Variants in DLGAP2 observed in about 807,000 individuals in gnomAD.
DLGAP2 encodes the protein disks large-associated protein 2.
DLGAP2 carries 26 observed loss-of-function variants against 100.3 expected under a neutral mutation model. The observed-to-expected ratio is 0.26, with a 90% CI of 0.19 to 0.36. DLGAP2 has a LOEUF of 0.36. Ranked by LOEUF, DLGAP2 falls within the 10% of genes least tolerant of loss-of-function variation. DLGAP2 has a pLI of 1.00. For missense variants in DLGAP2, 1,858 were observed against 1,453.2 expected (o/e 1.28, Z -4.53); for synonymous variants, 886 against 630.1 (o/e 1.41, Z -6.08).
chr8:1,387,817 GC>G (rs1174296144), intron 3 of DLGAP2, among the ~76,000 whole-genome samples: 1 of 152,160 alleles, frequency 6.6e-6, no homozygotes, highest in Non-Finnish European at 1.5e-5. Context: ...CCAGGAAAAG[GC>G]ATGAAATTGT....
chr8:1,271,986 T>A (rs1193556927), intron 3 of DLGAP2, among the ~76,000 whole-genome samples: 1 of 151,886 alleles, frequency 6.6e-6, no homozygotes, highest in Non-Finnish European at 1.5e-5. Context: ...AGTTTTTGGA[T>A]TTTTTTTAGT....
At chr8:1,034,026 T>C (rs1352585171) in intron 2 of DLGAP2, among the ~76,000 whole-genome samples, 49 of 99,788 alleles carry the variant, frequency 4.9e-4, no homozygotes, top group East Asian at 1.1e-3. Context: ...CGCGAGTGGA[T>C]TCACACGCTC....
At chr8:921,273 G>A (rs574676593) in intron 2 of DLGAP2, among the ~76,000 whole-genome samples, 1 of 152,274 alleles carries the variant, frequency 6.6e-6, no homozygotes, top group East Asian at 1.9e-4. Flanking sequence ...CTGGGCTCAG[G>A]GTTTAAATGT....
intron 2 of DLGAP2, among the ~76,000 whole-genome samples, chr8:1,207,205 A>C (rs1563253680): frequency 1.3e-5 from 2 of 152,156 alleles, no homozygotes; most frequent in Non-Finnish European, 2.9e-5. Context: ...CACTGTACCC[A>C]ACGTGTAGTC....
At chr8:1,086,119 C>T (rs182889811) in intron 2 of DLGAP2, among the ~76,000 whole-genome samples, 2 of 152,110 alleles carry the variant, frequency 1.3e-5, no homozygotes, top group African/African-American at 4.8e-5. Context: ...GATTTTATAT[C>T]CTGCCATTTT....
chr8:908,678 A>G (rs1012528677), intron 2 of DLGAP2, among the ~76,000 whole-genome samples: 1 of 152,346 alleles, frequency 6.6e-6, no homozygotes. Context: ...TTCCTCCTGC[A>G]AGATTTCTGA....
At chr8:1,626,059 T>TG (rs576946102) in intron 6 of DLGAP2, among the ~76,000 whole-genome samples, 3,320 of 75,132 alleles carry the variant, frequency 0.044, 565 homozygotes, top group African/African-American at 0.14. Flanking sequence ...GTTGGATGGC[T>TG]TTCCCATCTC....
chr8:1,287,834 G>C (rs1212546668), intron 3 of DLGAP2, among the ~76,000 whole-genome samples: 1 of 134,720 alleles, frequency 7.4e-6, no homozygotes, highest in Non-Finnish European at 1.6e-5. Flanking sequence ...TTGGTTCAGC[G>C]TGTGTGTGTG....
chr8:1,386,896 C>T (rs1159083239), intron 3 of DLGAP2, among the ~76,000 whole-genome samples: 2 of 152,094 alleles, frequency 1.3e-5, no homozygotes, highest in African/African-American at 4.8e-5. Context: ...AAATTATGCA[C>T]ATTAAAAAGT....
chr8:1,591,529 C>A (rs1457080151), intron 6 of DLGAP2, among the ~76,000 whole-genome samples: 4 of 127,280 alleles, frequency 3.1e-5, no homozygotes, highest in South Asian at 2.4e-4. Flanking sequence ...TCCTGCCTAA[C>A]CCCCTCCTCC....
At position 1,315,995 on chromosome 8, in the gene DLGAP2, G is replaced by A. The variant is rs1444267536; in HGVS notation, c.106+57112G>A. Reference sequence around the variant, plus strand: ...CAGCTTTTAAAAATAGAGGCTGTGCGAGTGCAGCGTCTCTCCAACAGTGGT... The same window carrying A: ...CAGCTTTTAAAAATAGAGGCTGTGCAAGTGCAGCGTCTCTCCAACAGTGGT... On this transcript the variant is annotated intron_variant, in intron 3 of 14. Transcript: ENST00000637795. Among the ~76,000 whole-genome samples, 16 of 136,330 alleles carry A rather than the reference G, an allele frequency of 1.2e-4. 1 individual carries two copies. Among genetic ancestry groups the A allele is most frequent in the Admixed American group, 8.5e-4 (11 of 12,974 alleles). The allele number at this position is 136,330 out of a possible 152,430, so 89.4% of individuals were successfully genotyped here.
Position 1,601,945 on chromosome 8 carries a change from G to GGTGTGTGTGTGT in DLGAP2, c.1443-24771_1443-24760dup, listed in dbSNP as rs55762722. 8.4e-3 allele frequency among the ~76,000 whole-genome samples: 1,227 copies of GGTGTGTGTGTGT among 146,410 alleles called. 8 individuals carry two copies. Among genetic ancestry groups the GGTGTGTGTGTGT allele is most frequent in the East Asian group, 9.1e-3 (45 of 4,924 alleles). ...TGATCCTAAAACCTTAATTTAACAG[G>GGTGTGTGTGTGT]GTGTGTGTGTGTGTGTGTGTGTGTG... On this transcript the variant is annotated intron_variant, in intron 6 of 14. Coordinates refer to ENST00000637795, the MANE Select transcript of DLGAP2 (RefSeq NM_001346810.2).
At chr8:1,209,232 C>T (rs1254373902) in intron 2 of DLGAP2, among the ~76,000 whole-genome samples, 1 of 152,194 alleles carries the variant, frequency 6.6e-6, no homozygotes, top group African/African-American at 2.4e-5. Context: ...GGAGGCATCA[C>T]ATTACCCAAC....
At chr8:1,525,518 C>T (rs954329216) in intron 4 of DLGAP2, among the ~76,000 whole-genome samples, 10 of 152,182 alleles carry the variant, frequency 6.6e-5, no homozygotes, top group African/African-American at 1.7e-4. Flanking sequence ...CCCAAAGCTG[C>T]GGTCCTCAGA....
intron 3 of DLGAP2, among the ~76,000 whole-genome samples, chr8:1,413,687 T>A (rs1796796236): frequency 6.6e-6 from 1 of 152,202 alleles, no homozygotes; most frequent in South Asian, 2.1e-4. Context: ...TTATCTTTGA[T>A]AAATGGTCTT....
chr8:976,760 G>A (rs890095938), intron 2 of DLGAP2, among the ~76,000 whole-genome samples: 4 of 152,148 alleles, frequency 2.6e-5, no homozygotes, highest in African/African-American at 7.2e-5. Flanking sequence ...GGATGTAGAC[G>A]TAAACCTTTG....
intron 2 of DLGAP2, among the ~76,000 whole-genome samples, chr8:1,251,014 T>C (rs1799027442): frequency 6.6e-6 from 1 of 152,240 alleles, no homozygotes; most frequent in Non-Finnish European, 1.5e-5. Flanking sequence ...GGCTTTCTGC[T>C]ACGTGTATTT....
intron 3 of DLGAP2, among the ~76,000 whole-genome samples, chr8:1,298,943 G>T (rs1458110731): frequency 2.6e-5 from 4 of 152,048 alleles, no homozygotes; most frequent in Admixed American, 2.0e-4. Context: ...GGCCAGGGTC[G>T]AGCTGCGGCA....
At chr8:1,295,278 A>G (rs1281982317) in intron 3 of DLGAP2, among the ~76,000 whole-genome samples, 1 of 152,224 alleles carries the variant, frequency 6.6e-6, no homozygotes, top group South Asian at 2.1e-4. Flanking sequence ...CATGGGATAG[A>G]TACACACAGC....
Sources: allele counts gnomAD v4.1 joint callset (sites outside exome capture counted in the v4.1 genomes callset), GRCh38; gene constraint gnomAD v4.1.1; transcripts MANE v1.5; gene names NCBI Gene and HGNC (gene_info 2026-07-23, HGNC 2026-07-21).